The following TRAPPC9 variants were observed in gnomAD, a reference collection of about 807,000 sequenced individuals.
TRAPPC9 encodes IKK2 binding protein.
In TRAPPC9, 83 loss-of-function variants were observed where a neutral mutation model predicts 124.0. That is an observed-to-expected ratio of 0.67 (90% CI 0.56 to 0.80). The LOEUF (loss-of-function observed/expected upper bound fraction) is 0.80. Ranked by LOEUF, TRAPPC9 falls within the 30% of genes least tolerant of loss-of-function variation. The pLI is 0.00. For missense variants in TRAPPC9, 1,302 were observed against 1,508.3 expected (o/e 0.86, Z 2.27); for synonymous variants, 638 against 617.5 (o/e 1.03, Z -0.49).
At chr8:140,096,429 T>A (rs1844951825) in intron 17 of TRAPPC9, 1 of 152,208 alleles carries the variant, frequency 6.6e-6, no homozygotes, top group African/African-American at 2.4e-5. Flanking sequence ...ACAGAAAAGC[T>A]GGAAACATGG....
intron 21 of TRAPPC9, among the ~76,000 whole-genome samples, chr8:139,758,180 G>A (rs552915385): frequency 6.6e-6 from 1 of 152,352 alleles, no homozygotes; most frequent in East Asian, 1.9e-4. Flanking sequence ...ACCCCTCAGG[G>A]CCGGGATGGC....
chr8:140,124,742 C>G (rs144683874), intron 17 of TRAPPC9, among the ~76,000 whole-genome samples: 133 of 104,526 alleles, frequency 1.3e-3, no homozygotes, highest in Middle Eastern at 9.9e-3. Flanking sequence ...AAATCACTCT[C>G]GAAGTCTGAA....
At chr8:140,179,984 T>C (rs1345335290) in intron 17 of TRAPPC9, among the ~76,000 whole-genome samples, 1 of 140,760 alleles carries the variant, frequency 7.1e-6, no homozygotes, top group African/African-American at 2.6e-5. Flanking sequence ...AATTTATAGT[T>C]ATATCTTGAT....
chr8:140,023,055 C>T (rs1587516529), intron 18 of TRAPPC9, among the ~76,000 whole-genome samples: 3 of 152,316 alleles, frequency 2.0e-5, no homozygotes, highest in African/African-American at 7.2e-5. Flanking sequence ...CCCCCCACCG[C>T]CCCCTTCGAG....
At chr8:140,112,429 G>C (rs1393186345) in intron 17 of TRAPPC9, among the ~76,000 whole-genome samples, 1 of 151,814 alleles carries the variant, frequency 6.6e-6, no homozygotes, top group Non-Finnish European at 1.5e-5. Flanking sequence ...ACGATGGTGG[G>C]ACAGGTGCGA....
chr8:139,796,181 T>G (rs1274652362), intron 21 of TRAPPC9, among the ~76,000 whole-genome samples: 3 of 148,720 alleles, frequency 2.0e-5, no homozygotes, highest in Non-Finnish European at 4.5e-5. Context: ...AGGAGAAGGA[T>G]GAGGAGGAGG....
intron 7 of TRAPPC9, among the ~76,000 whole-genome samples, chr8:140,382,865 A>G (rs2068648393): frequency 6.6e-6 from 1 of 152,122 alleles, no homozygotes; most frequent in African/African-American, 2.4e-5. Context: ...TACCTCCTCA[A>G]GTGGGTCCCT....
At chr8:140,146,879 A>G (rs76468295) in intron 17 of TRAPPC9, among the ~76,000 whole-genome samples, 2 of 151,586 alleles carry the variant, frequency 1.3e-5, no homozygotes, top group South Asian at 2.1e-4. Context: ...AAAAAAAAAA[A>G]GGCAGGGAAA....
chr8:140,162,587 T>C (rs1587836786), intron 17 of TRAPPC9, among the ~76,000 whole-genome samples: 1 of 152,256 alleles, frequency 6.6e-6, no homozygotes, highest in East Asian at 1.9e-4. Flanking sequence ...AATAATTCAG[T>C]TGAGGGGAAG....
In TRAPPC9 at chr8:140,196,514, A is replaced by C. The variant is rs7388579; in HGVS notation, c.2556+24945T>G. On this transcript the variant is annotated intron_variant, in intron 17 of 22. Transcript: ENST00000438773. Reference sequence around the variant, plus strand: ...ACACACTCAACGATCCACCATACAGATCACACCTGTGACACTAAAACACAC... The same window carrying C: ...ACACACTCAACGATCCACCATACAGCTCACACCTGTGACACTAAAACACAC... Among the ~76,000 whole-genome samples, 10 of 12,348 alleles carry C rather than the reference A, an allele frequency of 8.1e-4. 3 individuals carry two copies. The highest frequency in any genetic ancestry group is 4.3e-4 in the Non-Finnish European group (3 of 7,048). The allele number at this position is 12,348 out of a possible 152,430, so 8.1% of individuals were successfully genotyped here. A position where few individuals can be genotyped will look rare whatever the true frequency, so the allele number is the denominator to read the frequency against.
chr8:140,430,826 G>C (rs574274678), intron 4 of TRAPPC9, among the ~76,000 whole-genome samples: 1 of 152,114 alleles, frequency 6.6e-6, no homozygotes, highest in East Asian at 2.0e-4. Context: ...TTTTTGTAGA[G>C]ATAGGATTTC....
chr8:140,211,940 G>C (rs915435466), intron 17 of TRAPPC9, among the ~76,000 whole-genome samples: 2 of 152,216 alleles, frequency 1.3e-5, no homozygotes, highest in African/African-American at 4.8e-5. Context: ...ATCCAGGTGG[G>C]AACGGACAGC....
Position 139,730,995 on chromosome 8 carries a change from G to T in TRAPPC9, c.*66C>A. On this transcript the variant is annotated 3_prime_UTR_variant, in exon 23 of 23. Coordinates refer to ENST00000438773, the MANE Select transcript of TRAPPC9 (RefSeq NM_001160372.4). ...TGCAGTGAAGGCCTTGCTCATTGCA[G>T]GGGGTGTGGGAGGCCAGGCAGGGTC... The T allele has an allele frequency of 1.3e-6, 2 of 1,573,526 alleles. No individual in the cohort carries two copies. The highest frequency in any genetic ancestry group is 1.1e-5 in the South Asian group (1 of 88,360).
intron 21 of TRAPPC9, among the ~76,000 whole-genome samples, chr8:139,798,218 GCTCTTTTTATGTTAAATGTA>G (rs1339704803): frequency 6.6e-6 from 1 of 152,090 alleles, no homozygotes; most frequent in Non-Finnish European, 1.5e-5. Context: ...TACATGCTAT[GCTCTTTTTATGTTAAATGTA>G]CTCTTTAGTA....
intron 18 of TRAPPC9, among the ~76,000 whole-genome samples, chr8:139,991,249 C>T (rs1837622349): frequency 6.6e-6 from 1 of 152,330 alleles, no homozygotes; most frequent in South Asian, 2.1e-4. Flanking sequence ...TTTGTTTTCA[C>T]TCACAGAATA....
At chr8:140,236,205 C>T (rs150925148) in intron 16 of TRAPPC9, among the ~76,000 whole-genome samples, 1 of 151,542 alleles carries the variant, frequency 6.6e-6, no homozygotes, top group Non-Finnish European at 1.5e-5. Context: ...GCCTCAGCCT[C>T]CCAAGTAGCT....
chr8:139,867,016 G>C (rs1828590116), intron 21 of TRAPPC9, among the ~76,000 whole-genome samples: 1 of 152,176 alleles, frequency 6.6e-6, no homozygotes, highest in South Asian at 2.1e-4. Flanking sequence ...TGTATTTTTA[G>C]TAGAGATGGG....
At chr8:140,402,488 G>T (rs1185713942) in intron 6 of TRAPPC9, among the ~76,000 whole-genome samples, 3 of 151,364 alleles carry the variant, frequency 2.0e-5, no homozygotes, top group Non-Finnish European at 4.4e-5. Flanking sequence ...TGAGCCAGAA[G>T]TTCAAGACAA....
intron 17 of TRAPPC9, among the ~76,000 whole-genome samples, chr8:140,077,025 G>A (rs1049337397): frequency 3.3e-5 from 5 of 151,958 alleles, no homozygotes; most frequent in Admixed American, 1.3e-4. Flanking sequence ...TATTAGCTGC[G>A]CATGGTAGCA....
Sources: gnomAD v4.1 joint callset for allele counts (sites outside exome capture counted in the v4.1 genomes callset) on GRCh38, gnomAD v4.1.1 for gene constraint, MANE v1.5 for transcripts, NCBI Gene and HGNC (gene_info 2026-07-23, HGNC 2026-07-21) for gene names.